Variants in GRM8 observed in about 807,000 individuals in gnomAD.
GRM8 encodes metabotropic glutamate receptor 8.
In GRM8, 47 loss-of-function variants were observed where a neutral mutation model predicts 87.2. The ratio of observed to expected loss-of-function variants is 0.54; its 90% CI spans 0.43 to 0.69. GRM8 has a LOEUF of 0.69. Ranked by LOEUF, GRM8 falls within the 30% of genes least tolerant of loss-of-function variation. GRM8 has a pLI of 0.00. For missense variants in GRM8, 1,019 were observed against 1,139.2 expected (o/e 0.89, Z 1.52); for synonymous variants, 396 against 404.5 (o/e 0.98, Z 0.25).
intron 6 of GRM8, among the ~76,000 whole-genome samples, chr7:126,856,829 T>C (rs146475253): frequency 5.9e-5 from 9 of 152,330 alleles, no homozygotes; most frequent in African/African-American, 2.2e-4. Flanking sequence ...TGACATATTA[T>C]CCACTGGAAG....
rs1815254801 is a variant in GRM8 at position 126,533,870 on chromosome 7, C to G, written c.1512G>C (p.Trp504Cys). Residue 504 changes from tryptophan (W) to cysteine (C), a missense_variant, in exon 9 of 11, where the codon TGG (tryptophan) becomes TGC (cysteine). Transcript: ENST00000339582. ...QLHLKVEDMQ[W>C]AHREHTHPAS... is the part of the protein sequence containing the mutation. ...CCGGGTGAGTATGTTCTCTATGAGC[C>G]CACTGCATGTCTTCCACCTGTGGGT... 1 of 1,612,244 alleles carries G rather than the reference C, an allele frequency of 6.2e-7. No homozygotes were observed. The highest frequency in any genetic ancestry group is 1.1e-5 in the South Asian group (1 of 90,908).
At position 126,533,305 on chromosome 7, in the gene GRM8, C is replaced by T. The variant is rs1199609145; in HGVS notation, c.2077G>A (p.Ala693Thr). Residue 693 changes from alanine to threonine, a missense_variant, in exon 9 of 11, where the codon GCA becomes ACA. Physicochemically the swap from Ala to Thr is moderately conservative, Grantham distance 58. Coordinates refer to ENST00000339582, the MANE Select transcript of GRM8 (RefSeq NM_000845.3). Reference protein sequence around the residue: ...SVTAPKFISPASQLVITFSLI... With the variant: ...SVTAPKFISPTSQLVITFSLI... ...CTGAAGGTGATCACCAGCTGAGATG[C>T]TGGACTAATGAACTTGGGCGCTGTG... 1 of 1,613,650 alleles carries T rather than the reference C, an allele frequency of 6.2e-7. No individual in the cohort carries two copies. The highest frequency in any genetic ancestry group is 8.5e-7 in the Non-Finnish European group (1 of 1,179,864).
intron 8 of GRM8, among the ~76,000 whole-genome samples, chr7:126,596,387 T>C (rs1471483976): frequency 1.3e-5 from 2 of 152,198 alleles, no homozygotes; most frequent in Non-Finnish European, 2.9e-5. Flanking sequence ...GTGGTTTTGA[T>C]CTGCATTTCT....
chr7:126,490,555 G>T (rs192543745), intron 9 of GRM8, among the ~76,000 whole-genome samples: 2 of 152,016 alleles, frequency 1.3e-5, no homozygotes, highest in South Asian at 2.1e-4. Context: ...ATGGACAAAC[G>T]TTCTAGCCTC....
At chr7:127,123,655 C>T (rs1827203545) in intron 2 of GRM8, among the ~76,000 whole-genome samples, 1 of 152,134 alleles carries the variant, frequency 6.6e-6, no homozygotes. Flanking sequence ...CCTTTATAGC[C>T]ATACAAAATG....
At chr7:127,056,156 A>G (rs1488505552) in intron 3 of GRM8, among the ~76,000 whole-genome samples, 3 of 152,224 alleles carry the variant, frequency 2.0e-5, no homozygotes, top group African/African-American at 7.2e-5. Flanking sequence ...TTTTGATGAT[A>G]TGTTGCTCTA....
At chr7:126,687,175 G>A (rs1380049932) in intron 7 of GRM8, among the ~76,000 whole-genome samples, 12 of 152,154 alleles carry the variant, frequency 7.9e-5, no homozygotes, top group Admixed American at 3.9e-4. Flanking sequence ...TATGTGCCCC[G>A]CTATACCAGC....
At chr7:126,774,112 T>G (rs1362003) in intron 6 of GRM8, among the ~76,000 whole-genome samples, 2,140 of 152,226 alleles carry the variant, frequency 0.014, 53 homozygotes, top group African/African-American at 0.049. Context: ...CATAAGCATA[T>G]GGTGACAAAC....
At chr7:127,180,792 A>T (rs952512008) in intron 2 of GRM8, among the ~76,000 whole-genome samples, 12 of 152,152 alleles carry the variant, frequency 7.9e-5, no homozygotes, top group African/African-American at 2.9e-4. Context: ...AAAATCCAGC[A>T]TTGCTTTATG....
chr7:126,917,686 G>T (rs1804063589), intron 3 of GRM8, among the ~76,000 whole-genome samples: 1 of 152,164 alleles, frequency 6.6e-6, no homozygotes, highest in South Asian at 2.1e-4. Flanking sequence ...ACTGTACTTT[G>T]CTATTATCTC....
intron 6 of GRM8, among the ~76,000 whole-genome samples, chr7:126,844,039 T>C: frequency 2.0e-5 from 3 of 152,364 alleles, no homozygotes; most frequent in Admixed American, 2.0e-4. Context: ...AAAGAATTAA[T>C]GTGCTGATTA....
intron 6 of GRM8, among the ~76,000 whole-genome samples, chr7:126,780,404 G>C (rs984819262): frequency 2.6e-5 from 4 of 152,128 alleles, no homozygotes; most frequent in African/African-American, 9.7e-5. Context: ...TCAGAAGAGT[G>C]TTGAAAAGAA....
intron 6 of GRM8, among the ~76,000 whole-genome samples, chr7:126,803,739 A>G (rs1481307418): frequency 1.3e-5 from 2 of 152,248 alleles, no homozygotes; most frequent in Non-Finnish European, 2.9e-5. Flanking sequence ...CTCCAGCCCC[A>G]GTATCAAACA....
chr7:126,617,243 A>G (rs2151127040), intron 7 of GRM8, among the ~76,000 whole-genome samples: 1 of 152,358 alleles, frequency 6.6e-6, no homozygotes, highest in Admixed American at 6.5e-5. Context: ...AATAAACGTA[A>G]TCCAGCATAT....
In GRM8 at chr7:127,033,641, C is replaced by A. The variant is rs75586190; in HGVS notation, c.727+72855G>T. ...AAACCTGGAAAGCTGGGTTCTTTCTCCAAATCTCATGTACCTCATCATGGC... is the reference window on the plus strand; with the variant it reads ...AAACCTGGAAAGCTGGGTTCTTTCTACAAATCTCATGTACCTCATCATGGC... On this transcript the variant is annotated intron_variant, in intron 3 of 10. Transcript: ENST00000339582. 1.9e-3 allele frequency among the ~76,000 whole-genome samples: 291 copies of A among 152,222 alleles called. 1 individual carries two copies. The highest frequency in any genetic ancestry group is 3.2e-3 in the Non-Finnish European group (218 of 67,986).
chr7:126,996,153 A>C (rs1043542902), intron 3 of GRM8, among the ~76,000 whole-genome samples: 1 of 152,132 alleles, frequency 6.6e-6, no homozygotes, highest in African/African-American at 2.4e-5. Context: ...CTAGACAAAC[A>C]AAAGCTGAAG....
intron 6 of GRM8, chr7:126,869,458 T>A (rs1798892878): frequency 6.6e-6 from 1 of 152,246 alleles, no homozygotes; most frequent in Non-Finnish European, 1.5e-5. Flanking sequence ...ATCAGAGAAG[T>A]CACTATGTAT....
intron 2 of GRM8, among the ~76,000 whole-genome samples, chr7:127,144,325 T>C (rs1031469761): frequency 3.3e-5 from 5 of 152,116 alleles, no homozygotes; most frequent in Non-Finnish European, 5.9e-5. Flanking sequence ...TATTCCATCA[T>C]CTGTCTTTTC....
chr7:126,684,743 A>AT (rs1252402592), intron 7 of GRM8, among the ~76,000 whole-genome samples: 1 of 152,068 alleles, frequency 6.6e-6, no homozygotes, highest in African/African-American at 2.4e-5. Flanking sequence ...TAAAGTCTAG[A>AT]TTTTCTACTA....
Sources: allele counts gnomAD v4.1 joint callset (sites outside exome capture counted in the v4.1 genomes callset), GRCh38; gene constraint gnomAD v4.1.1; transcripts MANE v1.5; gene names NCBI Gene and HGNC (gene_info 2026-07-23, HGNC 2026-07-21).